TBCA: variants seen among roughly 807,000 people sequenced by gnomAD.
TBCA encodes the protein tubulin folding cofactor A.
Under a neutral mutation model 15.8 loss-of-function variants are expected in TBCA, and 6 were observed. The observed-to-expected ratio is 0.38, with a 90% CI of 0.21 to 0.75. The LOEUF (loss-of-function observed/expected upper bound fraction) is 0.75. Ranked by LOEUF, TBCA falls within the 30% of genes least tolerant of loss-of-function variation. TBCA has a pLI of 0.46. For missense variants in TBCA, 90 were observed against 131.2 expected (o/e 0.69, Z 1.53); for synonymous variants, 32 against 42.3 (o/e 0.76, Z 0.94).
At chr5:77,737,344 A>G (rs1468764658) in intron 1 of TBCA, among the ~76,000 whole-genome samples, 1 of 152,250 alleles carries the variant, frequency 6.6e-6, no homozygotes, top group Non-Finnish European at 1.5e-5. Flanking sequence ...ATTGTTTTCC[A>G]GCTAACTTTG....
At chr5:77,764,513 A>G (rs1361206338) in intron 1 of TBCA, among the ~76,000 whole-genome samples, 1 of 141,856 alleles carries the variant, frequency 7.0e-6, no homozygotes, top group Non-Finnish European at 1.6e-5. Flanking sequence ...TAAGTCTCCC[A>G]TCTTTATTTT....
At chr5:77,736,380 C>T (rs1454823454) in intron 1 of TBCA, among the ~76,000 whole-genome samples, 3 of 150,408 alleles carry the variant, frequency 2.0e-5, no homozygotes, top group Admixed American at 6.6e-5. Context: ...AATCATGAAA[C>T]GACTAGGAAA....
intron 2 of TBCA, among the ~76,000 whole-genome samples, chr5:77,700,532 G>T (rs1400523918): frequency 6.6e-6 from 1 of 152,178 alleles, no homozygotes; most frequent in East Asian, 1.9e-4. Flanking sequence ...TCATATAGCT[G>T]ATGGCTAAAT....
intron 2 of TBCA, chr5:77,694,196 G>C (rs913846561): frequency 1.3e-5 from 2 of 152,178 alleles, no homozygotes; most frequent in African/African-American, 2.4e-5. Flanking sequence ...GAAAAGCAAA[G>C]ACCAGCAGGT....
intron 1 of TBCA, among the ~76,000 whole-genome samples, chr5:77,755,076 T>C (rs1276641564): frequency 6.6e-6 from 1 of 152,206 alleles, no homozygotes; most frequent in Non-Finnish European, 1.5e-5. Context: ...AGCCATGAGA[T>C]AGTAATACAA....
intron 1 of TBCA, among the ~76,000 whole-genome samples, chr5:77,714,390 T>C (rs1439503699): frequency 2.0e-5 from 3 of 151,982 alleles, no homozygotes; most frequent in Non-Finnish European, 4.4e-5. Context: ...GAATAGGTCA[T>C]CTGTAAAAGG....
chr5:77,706,595 G>A (rs1339239096), intron 2 of TBCA, among the ~76,000 whole-genome samples: 19 of 152,028 alleles, frequency 1.2e-4, no homozygotes, highest in African/African-American at 3.6e-4. Flanking sequence ...TAGGCAGATC[G>A]CCTGAGGTCA....
intron 1 of TBCA, among the ~76,000 whole-genome samples, chr5:77,739,203 G>C (rs915531054): frequency 5.9e-5 from 9 of 152,112 alleles, no homozygotes; most frequent in Non-Finnish European, 1.0e-4. Flanking sequence ...GCTCATGCCT[G>C]TAATCCCAGC....
At chr5:77,717,401 A>G (rs1373958806) in intron 1 of TBCA, among the ~76,000 whole-genome samples, 1 of 152,212 alleles carries the variant, frequency 6.6e-6, no homozygotes, top group Non-Finnish European at 1.5e-5. Context: ...CCCTATCTAC[A>G]AATAAACATG....
intron 1 of TBCA, among the ~76,000 whole-genome samples, chr5:77,711,936 A>T (rs991375731): frequency 1.3e-5 from 2 of 152,256 alleles, no homozygotes; most frequent in South Asian, 4.1e-4. Context: ...AGGCCCAGGA[A>T]ACAAGTTATT....
intron 1 of TBCA, among the ~76,000 whole-genome samples, chr5:77,746,261 T>C (rs1747184848): frequency 1.3e-5 from 2 of 152,116 alleles, no homozygotes; most frequent in Admixed American, 6.5e-5. Flanking sequence ...AGGCCCCGTC[T>C]CTATGAAAAA....
chr5:77,753,032 T>A (rs1343850486), intron 1 of TBCA, among the ~76,000 whole-genome samples: 1 of 152,128 alleles, frequency 6.6e-6, no homozygotes, highest in Non-Finnish European at 1.5e-5. Flanking sequence ...TAAAAAAAAA[T>A]TACATTTTCT....
intron 2 of TBCA, among the ~76,000 whole-genome samples, chr5:77,706,010 C>T (rs1746141785): frequency 6.6e-6 from 1 of 152,142 alleles, no homozygotes; most frequent in Non-Finnish European, 1.5e-5. Context: ...AGAAAGCTAT[C>T]TTCCTAGATA....
chr5:77,701,682 CATAT>C (rs58679612), intron 2 of TBCA, among the ~76,000 whole-genome samples: 6,904 of 50,468 alleles, frequency 0.14, 336 homozygotes, highest in Non-Finnish European at 0.18. Flanking sequence ...CTGTGGCATG[CATAT>C]ATATATATAT....
chr5:77,697,159 A>C lies in TBCA; in HGVS notation c.160-3807T>G, dbSNP rs1745891196. Among the ~76,000 whole-genome samples the C allele has an allele frequency of 2.6e-5, 4 of 152,242 alleles. 1 individual carries two copies. The highest frequency in any genetic ancestry group is 2.6e-4 in the Admixed American group (4 of 15,284). ...TCCATATACATAAGCTGGGGATTTC[A>C]ATACCCCACTCTCAGCAACTGATAG... On this transcript the variant is annotated intron_variant, in intron 2 of 3. Coordinates refer to ENST00000380377, the MANE Select transcript of TBCA (RefSeq NM_004607.3).
intron 1 of TBCA, among the ~76,000 whole-genome samples, chr5:77,726,957 G>C (rs16874554): frequency 0.15 from 22,534 of 151,986 alleles, 2,196 homozygotes; most frequent in East Asian, 0.35. Flanking sequence ...AGAATTGTTA[G>C]CCCAGATGTT....
intron 1 of TBCA, among the ~76,000 whole-genome samples, chr5:77,738,203 G>A (rs916246093): frequency 1.3e-5 from 2 of 152,130 alleles, no homozygotes; most frequent in Non-Finnish European, 2.9e-5. Context: ...AAATTTTCAA[G>A]ACACCTAAAT....
At chr5:77,729,907 T>C (rs578082865) in intron 1 of TBCA, among the ~76,000 whole-genome samples, 17 of 152,346 alleles carry the variant, frequency 1.1e-4, no homozygotes, top group African/African-American at 4.1e-4. Context: ...TTTGTGTTTA[T>C]TATGAGTTAT....
At chr5:77,771,245 C>A (rs1747903993) in intron 1 of TBCA, among the ~76,000 whole-genome samples, 1 of 151,814 alleles carries the variant, frequency 6.6e-6, no homozygotes, top group Non-Finnish European at 1.5e-5. Context: ...CAAAATATCA[C>A]AGGGTACCCT....
Sources: allele counts gnomAD v4.1 joint callset (sites outside exome capture counted in the v4.1 genomes callset), GRCh38; gene constraint gnomAD v4.1.1; transcripts MANE v1.5; gene names NCBI Gene and HGNC (gene_info 2026-07-23, HGNC 2026-07-21).